ANKRD54: variants seen among roughly 807,000 people sequenced by gnomAD.
ANKRD54 encodes ankyrin repeat domain-containing protein 54.
A neutral mutation model predicts 36.2 loss-of-function variants in ANKRD54; 26 were observed. The observed-to-expected ratio is 0.72, with a 90% confidence interval of 0.53 to 1.00. The LOEUF is 1.00. ANKRD54 is among the 50% of genes least tolerant of loss of function. The pLI, the probability that ANKRD54 is intolerant of heterozygous loss-of-function variation, is 0.00. For missense variants in ANKRD54, 384 were observed against 424.3 expected, an observed-to-expected ratio of 0.91 and a Z score of 0.83; for synonymous variants, 209 against 188.4, an observed-to-expected ratio of 1.11 and a Z score of -0.89.
intron 3 of ANKRD54, among the ~76,000 whole-genome samples, chr22:37,835,593 G>A (rs1259332097): frequency 2.0e-5 from 3 of 152,176 alleles, no homozygotes; most frequent in Non-Finnish European, 2.9e-5. Flanking sequence ...GATCGCCTGA[G>A]CCCAAGAGTT....
chr22:37,846,997 G>A (rs1406663945), upstream of ANKRD54, among the ~76,000 whole-genome samples: 1 of 150,044 alleles, frequency 6.7e-6, no homozygotes, highest in African/African-American at 2.4e-5. Flanking sequence ...GGGACTACAG[G>A]CGCCCGCCAC....
intron 1 of ANKRD54, among the ~76,000 whole-genome samples, chr22:37,840,475 C>T (rs981354205): frequency 3.3e-5 from 5 of 152,020 alleles, no homozygotes; most frequent in Admixed American, 6.6e-5. Context: ...GGGTGAATGG[C>T]GTGAACCTGG....
chr22:37,833,611 G>T, intron 4 of ANKRD54, 73 bp downstream of exon 4: 2 of 1,530,870 alleles, frequency 1.3e-6, no homozygotes, highest in Non-Finnish European at 9.0e-7. Flanking sequence ...AGCATGCCGG[G>T]CCCCACCCTC....
chr22:37,833,311 T>G, intron 4 of ANKRD54, 105 bp from the exon 5 acceptor site: 1 of 1,405,528 alleles, frequency 7.1e-7, no homozygotes, highest in Non-Finnish European at 9.9e-7. Flanking sequence ...CTGTGCCAAG[T>G]TATGCCTACT....
rs1924610851 is a variant in ANKRD54 at position 37,843,927 on chromosome 22, C to T, written c.312G>A (p.Thr104=). ...AARPHRRLGP[T]GKEVHALKRL... ...GCCGCTCACCGTGCACCTCCTTGCC[C>T]GTGGGCCCGAGCCGCCGGTGGGGCC... The change falls in exon 1 of 8, where the codon ACG becomes ACA. Residue 104 remains threonine (T), a synonymous_variant. Coordinates refer to ENST00000215941, the MANE Select transcript of ANKRD54 (RefSeq NM_138797.4). 1.5e-6 allele frequency: 2 copies of T among 1,351,380 alleles called. No homozygotes were observed. The highest frequency in any genetic ancestry group is 1.8e-5 in the South Asian group (1 of 56,518). 83.7% of individuals were successfully genotyped at this position (1,351,380 alleles called of 1,614,324 possible).
At chr22:37,833,305 G>T in intron 4 of ANKRD54, 99 bp from the exon 5 acceptor site, 1 of 1,423,108 alleles carries the variant, frequency 7.0e-7, no homozygotes, top group Non-Finnish European at 9.7e-7. Flanking sequence ...AGACGCCTGT[G>T]CCAAGTTATG....
At chr22:37,841,410 C>G (rs975189098) in intron 1 of ANKRD54, among the ~76,000 whole-genome samples, 4 of 152,066 alleles carry the variant, frequency 2.6e-5, no homozygotes, top group Non-Finnish European at 5.9e-5. Context: ...CCTACAATCC[C>G]AGCTACTTGG....
At chr22:37,838,728 G>T in intron 2 of ANKRD54, 130 bp from the exon 3 acceptor site, 1 of 816,636 alleles carries the variant, frequency 1.2e-6, no homozygotes, top group Non-Finnish European at 1.9e-6. Flanking sequence ...TAGGAAAGCA[G>T]CCCTTCCTAG....
In ANKRD54 at chr22:37,833,092, C is replaced by A; in HGVS notation, c.596-10G>T. On this transcript the variant is annotated splice_polypyrimidine_tract_variant and intron_variant, in intron 5 of 7. Transcript: ENST00000215941. ...GCATCTACACGGGCCCCTGCAGGTACCAGCTGAGGTGAGCATTCTGGGGGT... is the reference window on the plus strand; with the variant it reads ...GCATCTACACGGGCCCCTGCAGGTAACAGCTGAGGTGAGCATTCTGGGGGT... 6.2e-7 allele frequency: 1 copy of A among 1,614,056 alleles called. No homozygotes were observed. The highest frequency in any genetic ancestry group is 8.5e-7 in the Non-Finnish European group (1 of 1,180,000).
upstream of ANKRD54, among the ~76,000 whole-genome samples, chr22:37,847,078 C>A (rs970316077): frequency 5.9e-5 from 9 of 151,586 alleles, no homozygotes; most frequent in African/African-American, 1.9e-4. Flanking sequence ...TGGTCTCGAT[C>A]TCCTGACCTC....
At chr22:37,846,208 A>G (rs899824820), upstream of ANKRD54, among the ~76,000 whole-genome samples, 2 of 152,176 alleles carry the variant, frequency 1.3e-5, no homozygotes, top group African/African-American at 4.8e-5. Context: ...TTCTCTTACA[A>G]TTGGAAAAGC....
intron 1 of ANKRD54, among the ~76,000 whole-genome samples, chr22:37,842,507 C>T (rs1003282436): frequency 6.6e-6 from 1 of 152,216 alleles, no homozygotes; most frequent in Non-Finnish European, 1.5e-5. Flanking sequence ...CACAGAAGCT[C>T]TTTGTGAGCT....
intron 3 of ANKRD54, among the ~76,000 whole-genome samples, chr22:37,836,990 T>C (rs1004395885): frequency 6.7e-6 from 1 of 149,548 alleles, no homozygotes; most frequent in African/African-American, 2.5e-5. Context: ...GATCACGCCA[T>C]TGCACTCCAG....
chr22:37,846,609 A>AT (rs1003052843), upstream of ANKRD54, among the ~76,000 whole-genome samples: 4 of 151,148 alleles, frequency 2.6e-5, no homozygotes, highest in South Asian at 2.1e-4. Context: ...CTGGGCCCCA[A>AT]TTTTTTTTTA....
At chr22:37,841,553 C>A (rs550887483) in intron 1 of ANKRD54, among the ~76,000 whole-genome samples, 3,593 of 139,676 alleles carry the variant, frequency 0.026, 66 homozygotes, top group Middle Eastern at 0.047. Context: ...CACACACACA[C>A]ACACAAAAAA....
chr22:37,840,056 A>G, intron 2 of ANKRD54, 131 bp downstream of exon 2: 1 of 1,057,620 alleles, frequency 9.5e-7, no homozygotes, highest in Non-Finnish European at 1.4e-6. Flanking sequence ...GCACAGTCAG[A>G]CAATAAATAC....
chr22:37,839,737 C>G (rs1426136975), intron 2 of ANKRD54, among the ~76,000 whole-genome samples: 1 of 152,018 alleles, frequency 6.6e-6, no homozygotes, highest in Admixed American at 6.6e-5. Context: ...CCAGGCTGGT[C>G]TCAAACTCCT....
Position 37,844,319 on chromosome 22 carries a change from GT to G in ANKRD54, c.-82del, listed in dbSNP as rs749947995. ...GACCTACTTCCCTCCGCCCTGAGTC[GT>G]GCTGTCAGCGAGCTGGCGGGCGGGC... On this transcript the variant is annotated 5_prime_UTR_variant, in exon 1 of 8. Coordinates refer to ENST00000215941, the MANE Select transcript of ANKRD54 (RefSeq NM_138797.4). The G allele has an allele frequency of 1.4e-6, 2 of 1,446,660 alleles. No individual in the cohort carries two copies. Among genetic ancestry groups the G allele is most frequent in the Non-Finnish European group, 1.8e-6 (2 of 1,088,984 alleles). 89.6% of individuals were successfully genotyped at this position (1,446,660 alleles called of 1,614,324 possible). A position where few individuals can be genotyped will look rare whatever the true frequency, so the allele number is the denominator to read the frequency against.
intron 3 of ANKRD54, among the ~76,000 whole-genome samples, chr22:37,836,633 C>T (rs1484763880): frequency 1.3e-5 from 2 of 151,610 alleles, no homozygotes; most frequent in East Asian, 3.9e-4. Flanking sequence ...GGGCTTAAAA[C>T]CTAGATGACG....
Sources: allele counts gnomAD v4.1 joint callset (sites outside exome capture counted in the v4.1 genomes callset), GRCh38; gene constraint gnomAD v4.1.1; transcripts MANE v1.5; gene names NCBI Gene and HGNC (gene_info 2026-07-23, HGNC 2026-07-21).